The following GTF2A1 variants were observed in gnomAD, a reference collection of about 807,000 sequenced individuals.
GTF2A1 encodes transcription initiation factor IIA subunit 1.
In GTF2A1, 12 loss-of-function variants were observed where a neutral mutation model predicts 54.1. That is an observed-to-expected ratio of 0.22 (90% CI 0.14 to 0.36). The LOEUF (loss-of-function observed/expected upper bound fraction) is 0.36. GTF2A1 is among the 10% of genes least tolerant of loss of function. The pLI, the probability that GTF2A1 is intolerant of heterozygous loss-of-function variation, is 1.00. For synonymous variants in GTF2A1, 145 were observed against 152.0 expected, an observed-to-expected ratio of 0.95 and a Z score of 0.34; for missense variants, 335 against 442.2, an observed-to-expected ratio of 0.76 and a Z score of 2.17.
intron 2 of GTF2A1, among the ~76,000 whole-genome samples, chr14:81,206,394 T>C (rs1893231297): frequency 6.6e-6 from 1 of 152,248 alleles, no homozygotes; most frequent in East Asian, 1.9e-4. Context: ...TTGAGTTTCC[T>C]GCATCAAGTC....
At chr14:81,214,832 A>C (rs763068770) in intron 2 of GTF2A1, among the ~76,000 whole-genome samples, 1 of 152,220 alleles carries the variant, frequency 6.6e-6, no homozygotes. Flanking sequence ...TTAGTAAATA[A>C]AATTGAGTGA....
chr14:81,191,913 G>A (rs1892884042), intron 7 of GTF2A1, among the ~76,000 whole-genome samples: 1 of 152,116 alleles, frequency 6.6e-6, no homozygotes, highest in South Asian at 2.1e-4. Flanking sequence ...TTAGGCTAAC[G>A]AAGGCAATTA....
chr14:81,200,531 G>A (rs780327090), intron 4 of GTF2A1, among the ~76,000 whole-genome samples: 41 of 151,788 alleles, frequency 2.7e-4, no homozygotes, highest in Admixed American at 2.1e-3. Context: ...GGAGGCTGAG[G>A]TGGGAGGATC....
At chr14:81,212,717 T>C (rs1035809244) in intron 2 of GTF2A1, among the ~76,000 whole-genome samples, 1 of 152,234 alleles carries the variant, frequency 6.6e-6, no homozygotes, top group Non-Finnish European at 1.5e-5. Context: ...TAAGCAAGAA[T>C]GTCTAAACCT....
chr14:81,202,067 T>C (rs1405550876), intron 3 of GTF2A1, among the ~76,000 whole-genome samples: 1 of 151,874 alleles, frequency 6.6e-6, no homozygotes, highest in South Asian at 2.1e-4. Flanking sequence ...GAACTGGAGG[T>C]TGCAGTAAGC....
chr14:81,209,517 A>C (rs1893315804), intron 2 of GTF2A1, among the ~76,000 whole-genome samples: 1 of 152,206 alleles, frequency 6.6e-6, no homozygotes, highest in Non-Finnish European at 1.5e-5. Context: ...TATTTGCAAA[A>C]GATTCCTAGG....
At position 81,189,468 on chromosome 14, in the gene GTF2A1, A is replaced by G. The variant is rs779515279; in HGVS notation, c.933+3051T>C. 3.5e-4 allele frequency among the ~76,000 whole-genome samples: 54 copies of G among 152,240 alleles called. 1 individual carries two copies. Among genetic ancestry groups the G allele is most frequent in the African/African-American group, 6.3e-4 (26 of 41,546 alleles). ...GGGCGGATCACGAGGTCAGGAGATC[A>G]AGACCATCCTGGCTAACACAGCGAA... is the stretch of plus-strand genomic sequence containing the variant. On this transcript the variant is annotated intron_variant, in intron 7 of 8. Transcript: ENST00000553612.
rs146534468 is a variant in GTF2A1 at position 81,179,521 on chromosome 14, C to T, written c.*702G>A. ...TGGTTTCAATTCCACTGAACTCAGA[C>T]AAGACCCAAGTCTTTAATTACATTT... is the stretch of plus-strand genomic sequence containing the variant. On this transcript the variant is annotated 3_prime_UTR_variant, in exon 9 of 9. Coordinates refer to ENST00000553612, the MANE Select transcript of GTF2A1 (RefSeq NM_015859.4). The T allele has an allele frequency of 9.9e-5, 15 of 152,284 alleles. No homozygotes were observed. The South Asian group carries it at 1.7e-3, about 17-fold the overall frequency. The allele number at this position is 152,284 out of a possible 1,614,324, so 9.4% of individuals were successfully genotyped here.
At chr14:81,193,683 C>A (rs1348988172) in intron 6 of GTF2A1, among the ~76,000 whole-genome samples, 2 of 152,136 alleles carry the variant, frequency 1.3e-5, no homozygotes, top group Non-Finnish European at 2.9e-5. Flanking sequence ...CTAAAAACCA[C>A]CAGATCAGAT....
At chr14:81,193,981 G>A (rs1384448975) in intron 6 of GTF2A1, among the ~76,000 whole-genome samples, 2 of 152,152 alleles carry the variant, frequency 1.3e-5, no homozygotes, top group African/African-American at 2.4e-5. Flanking sequence ...AGTGTTATGG[G>A]AACACAAGAG....
At chr14:81,186,568 T>C (rs568849533) in intron 7 of GTF2A1, among the ~76,000 whole-genome samples, 3 of 152,262 alleles carry the variant, frequency 2.0e-5, no homozygotes, top group South Asian at 2.1e-4. Flanking sequence ...TTCGCTTCAA[T>C]TGTGACAGAA....
At chr14:81,215,420 C>A (rs1196317299) in intron 2 of GTF2A1, among the ~76,000 whole-genome samples, 1 of 152,024 alleles carries the variant, frequency 6.6e-6, no homozygotes, top group East Asian at 1.9e-4. Context: ...CCTTGTGGAC[C>A]CCCTGAAAGA....
intron 2 of GTF2A1, among the ~76,000 whole-genome samples, chr14:81,207,345 C>T (rs1160673187): frequency 6.6e-6 from 1 of 152,066 alleles, no homozygotes; most frequent in African/African-American, 2.4e-5. Flanking sequence ...CAGGTGTTTT[C>T]GCTTTTGCTT....
chr14:81,216,286 A>C (rs1325940356), intron 2 of GTF2A1, 127 bp downstream of exon 2: 4 of 580,498 alleles, frequency 6.9e-6, no homozygotes, highest in Middle Eastern at 3.0e-4. Context: ...CAGAGTTGGG[A>C]TTTAAAACCA....
At chr14:81,202,943 T>C (rs1893146087) in intron 3 of GTF2A1, 2 of 371,126 alleles carry the variant, frequency 5.4e-6, no homozygotes, top group South Asian at 4.2e-5. Context: ...TCTTCTACTG[T>C]GTGTCATTAC....
intron 2 of GTF2A1, among the ~76,000 whole-genome samples, chr14:81,211,878 TATATATATATATATATA>T (rs1893375474): frequency 3.9e-5 from 1 of 25,572 alleles, no homozygotes; most frequent in Admixed American, 5.8e-4. Flanking sequence ...AAGTACTTTA[TATATATATATATATATA>T]TATATATATA....
chr14:81,209,232 A>G (rs1893308395), intron 2 of GTF2A1, among the ~76,000 whole-genome samples: 1 of 152,068 alleles, frequency 6.6e-6, no homozygotes, highest in Non-Finnish European at 1.5e-5. Context: ...TTCCCATACT[A>G]TTCTTGTGAT....
intron 3 of GTF2A1, 114 bp downstream of exon 3, chr14:81,203,786 G>A (rs1893165918): frequency 3.6e-6 from 3 of 835,440 alleles, no homozygotes. Context: ...TTATTTTTAG[G>A]TTCTCCATGT....
chr14:81,209,527 G>A (rs1893315930), intron 2 of GTF2A1, among the ~76,000 whole-genome samples: 2 of 151,968 alleles, frequency 1.3e-5, no homozygotes, highest in South Asian at 2.1e-4. Context: ...AGATTCCTAG[G>A]TCTCATTTTA....
Sources: allele counts gnomAD v4.1 joint callset (sites outside exome capture counted in the v4.1 genomes callset), GRCh38; gene constraint gnomAD v4.1.1; transcripts MANE v1.5; gene names NCBI Gene and HGNC (gene_info 2026-07-23, HGNC 2026-07-21).